The following SIPA1L3 variants were observed in gnomAD, a reference collection of about 807,000 sequenced individuals.
SIPA1L3 encodes the protein signal-induced proliferation-associated 1-like protein 3.
A neutral mutation model predicts 150.1 loss-of-function variants in SIPA1L3; 59 were observed. That is an observed-to-expected ratio of 0.39 (90% CI 0.32 to 0.49). SIPA1L3 has a LOEUF of 0.49. Among genes scored for constraint, SIPA1L3 ranks in the 20% least tolerant of loss-of-function variants. SIPA1L3 has a pLI of 0.86. For missense variants in SIPA1L3, 2,211 were observed against 2,489.5 expected, an observed-to-expected ratio of 0.89 and a Z score of 2.38; for synonymous variants, 1,070 against 1,077.6, an observed-to-expected ratio of 0.99 and a Z score of 0.14.
intron 12 of SIPA1L3, among the ~76,000 whole-genome samples, chr19:38,145,849 C>T (rs1163649735): frequency 6.6e-6 from 1 of 151,840 alleles, no homozygotes; most frequent in African/African-American, 2.4e-5. Flanking sequence ...ATTCACCATT[C>T]ATCTGTTCTG....
At chr19:38,196,940 TA>T (rs2146058611) in intron 18 of SIPA1L3, among the ~76,000 whole-genome samples, 1 of 152,246 alleles carries the variant, frequency 6.6e-6, no homozygotes, top group South Asian at 2.1e-4. Context: ...CTGTAAAATG[TA>T]AAAAATAGTG....
At chr19:38,128,094 G>A (rs1026263208) in intron 9 of SIPA1L3, among the ~76,000 whole-genome samples, 2 of 114,938 alleles carry the variant, frequency 1.7e-5, no homozygotes, top group African/African-American at 3.4e-5. Context: ...TCGCTCTGTC[G>A]CCCAGGCTGG....
Position 38,164,374 on chromosome 19 carries a change from G to A in SIPA1L3, c.3781-105G>A, listed in dbSNP as rs1600157295. 9.4e-7 allele frequency: 1 copy of A among 1,064,566 alleles called. No individual in the cohort carries two copies. The allele number at this position is 1,064,566 out of a possible 1,614,324, so 65.9% of individuals were successfully genotyped here. ...AGTAGATGAGAAGCCAGGATTTGAA[G>A]CTGTCTGGTCCCAGGGTTCAGGCCC... On this transcript the variant is annotated intron_variant, in intron 14 of 21. Coordinates refer to ENST00000222345, the MANE Select transcript of SIPA1L3 (RefSeq NM_015073.3). This position sits in a 1 kb window ranked among gnomAD's most constrained non-coding sequence, Gnocchi z 4.1.
chr19:37,975,843 G>A (rs750978442), intron 1 of SIPA1L3, among the ~76,000 whole-genome samples: 57 of 152,192 alleles, frequency 3.7e-4, no homozygotes, highest in South Asian at 1.5e-3. Context: ...AGTGGCTCAC[G>A]CCTGTAATCC....
intron 1 of SIPA1L3, among the ~76,000 whole-genome samples, chr19:38,009,388 C>T (rs1217224620): frequency 6.6e-6 from 1 of 152,140 alleles, no homozygotes; most frequent in Non-Finnish European, 1.5e-5. Context: ...AGGCACTCTC[C>T]TCTGGAGGGA....
Position 38,106,623 on chromosome 19 carries a change from C to G in SIPA1L3, c.2116C>G (p.Pro706Ala), listed in dbSNP as rs1283984261. The change falls in exon 7 of 22, where the codon CCC becomes GCC. Residue 706 changes from proline (P) to alanine (A), a missense_variant. Transcript: ENST00000222345. ...FHVSTLLPYTPNNRQQLLRKR... is the reference protein window; with the variant it reads ...FHVSTLLPYTANNRQQLLRKR... The stretch of plus-strand genomic sequence containing the variant: ...TGTCTCCACCCTGCTCCCTTACACC[C>G]CCAACAACAGGCAGCAGGTCAGTGA... The G allele has an allele frequency of 1.4e-5, 22 of 1,612,506 alleles. No individual in the cohort carries two copies. Among genetic ancestry groups the G allele is most frequent in the Non-Finnish European group, 1.7e-5 (20 of 1,178,540 alleles).
At chr19:38,022,695 G>A (rs1167902800) in intron 1 of SIPA1L3, among the ~76,000 whole-genome samples, 1 of 152,170 alleles carries the variant, frequency 6.6e-6, no homozygotes, top group East Asian at 1.9e-4. Flanking sequence ...GTGACAGAGC[G>A]AGACTCCATC....
intron 5 of SIPA1L3, among the ~76,000 whole-genome samples, 175 bp downstream of exon 5, chr19:38,100,325 AG>A (rs2145857307): frequency 6.6e-6 from 1 of 152,348 alleles, no homozygotes; most frequent in Non-Finnish European, 1.5e-5. Flanking sequence ...GCCAAGAGCA[AG>A]AATGTAACTG....
intron 12 of SIPA1L3, among the ~76,000 whole-genome samples, chr19:38,150,691 C>A (rs1452612930): frequency 6.6e-6 from 1 of 152,046 alleles, no homozygotes; most frequent in African/African-American, 2.4e-5. Flanking sequence ...CAGGCACACA[C>A]CACCACACCT....
intron 1 of SIPA1L3, among the ~76,000 whole-genome samples, chr19:37,944,352 C>T (rs531496820): frequency 6.6e-6 from 1 of 152,072 alleles, no homozygotes; most frequent in South Asian, 2.1e-4. Context: ...CAGGTCCTGC[C>T]CAGATGCATA....
chr19:37,978,334 G>A (rs1967122888), intron 1 of SIPA1L3, among the ~76,000 whole-genome samples: 1 of 152,152 alleles, frequency 6.6e-6, no homozygotes, highest in African/African-American at 2.4e-5. Flanking sequence ...TTATGTTTAG[G>A]GCCTTCCTTT....
chr19:38,166,598 C>T (rs1972217337), intron 15 of SIPA1L3, among the ~76,000 whole-genome samples: 1 of 152,132 alleles, frequency 6.6e-6, no homozygotes, highest in Non-Finnish European at 1.5e-5. Context: ...GTATTCTACA[C>T]AGACACAGAG....
chr19:37,923,421 G>T (rs766109968), intron 1 of SIPA1L3, among the ~76,000 whole-genome samples: 2 of 152,212 alleles, frequency 1.3e-5, no homozygotes, highest in Non-Finnish European at 2.9e-5. Flanking sequence ...AATTCTGTGG[G>T]CAGTTGTAAC....
chr19:38,119,973 C>A, intron 9 of SIPA1L3, 91 bp downstream of exon 9: 1 of 853,722 alleles, frequency 1.2e-6, no homozygotes, highest in Non-Finnish European at 1.8e-6. Flanking sequence ...GTCAGTTAGG[C>A]TAAGACACGC....
rs140912769 is a variant in SIPA1L3 at position 38,189,552 on chromosome 19, G to T, written c.4431-2593G>T. Among the ~76,000 whole-genome samples the T allele has an allele frequency of 8.1e-4, 124 of 152,224 alleles. 1 individual carries two copies. The highest frequency in any genetic ancestry group is 2.8e-3 in the African/African-American group (118 of 41,546). ...AGGCCGAGATGGGCGGACCACCTGA[G>T]GTCGGGAGTTCAAGACCAGCCTGGC... On this transcript the variant is annotated intron_variant, in intron 16 of 21. Transcript: ENST00000222345.
chr19:37,997,591 G>A (rs1158342259), intron 1 of SIPA1L3, among the ~76,000 whole-genome samples: 9 of 122,156 alleles, frequency 7.4e-5, no homozygotes, highest in Non-Finnish European at 8.3e-5. Context: ...AAAAAAGGCC[G>A]GGCACGTTGG....
At chr19:38,183,337 C>T (rs779644858) in intron 16 of SIPA1L3, among the ~76,000 whole-genome samples, 3 of 149,950 alleles carry the variant, frequency 2.0e-5, no homozygotes, top group Non-Finnish European at 4.4e-5. Flanking sequence ...GGTCCAGGCG[C>T]AGACGAAGGG....
At chr19:38,188,750 G>C (rs970641011) in intron 16 of SIPA1L3, among the ~76,000 whole-genome samples, 1 of 149,916 alleles carries the variant, frequency 6.7e-6, no homozygotes, top group African/African-American at 2.4e-5. Context: ...GTGAAACCCC[G>C]TCTCTACTAA....
intron 1 of SIPA1L3, among the ~76,000 whole-genome samples, chr19:37,998,899 T>A (rs1967708827): frequency 6.6e-6 from 1 of 151,862 alleles, no homozygotes; most frequent in Admixed American, 6.6e-5. Context: ...TGAATCTAGG[T>A]TTGGGTACAA....
Sources: gnomAD v4.1 joint callset for allele counts (sites outside exome capture counted in the v4.1 genomes callset) on GRCh38, gnomAD v4.1.1 for gene constraint, Gnocchi (gnomAD v3.1) non-coding constraint, MANE v1.5 for transcripts, NCBI Gene and HGNC (gene_info 2026-07-23, HGNC 2026-07-21) for gene names.